The following OCIAD1 variants were observed in gnomAD, a reference collection of about 807,000 sequenced individuals.
OCIAD1 encodes OCIA domain containing 1.
In OCIAD1, 29 loss-of-function variants were observed where a neutral mutation model predicts 38.9. The observed-to-expected ratio is 0.74, with a 90% CI of 0.55 to 1.02. OCIAD1 has a LOEUF of 1.02. OCIAD1 is among the 50% of genes least tolerant of loss of function. The pLI, the probability that OCIAD1 is intolerant of heterozygous loss-of-function variation, is 0.00. For missense variants in OCIAD1, 288 were observed against 289.6 expected, an observed-to-expected ratio of 0.99 and a Z score of 0.04; for synonymous variants, 110 against 92.0, an observed-to-expected ratio of 1.20 and a Z score of -1.12.
chr4:48,831,962 T>G (rs1214658672), intron 1 of OCIAD1, among the ~76,000 whole-genome samples: 3 of 152,182 alleles, frequency 2.0e-5, no homozygotes, highest in Non-Finnish European at 4.4e-5. Context: ...TTGGTCTGAG[T>G]CCCAATATAT....
chr4:48,859,436 A>G (rs967646433), intron 8 of OCIAD1, among the ~76,000 whole-genome samples: 22 of 152,216 alleles, frequency 1.4e-4, no homozygotes, highest in Non-Finnish European at 2.5e-4. Context: ...AATCTTTTCT[A>G]TTATTGTCTG....
chr4:48,843,654 A>G (rs1211868642), intron 4 of OCIAD1, among the ~76,000 whole-genome samples: 3 of 152,192 alleles, frequency 2.0e-5, no homozygotes, highest in African/African-American at 7.2e-5. Context: ...GTATGCACTT[A>G]TATGTCCTTA....
intron 4 of OCIAD1, among the ~76,000 whole-genome samples, chr4:48,843,660 C>A (rs1224248129): frequency 6.6e-6 from 1 of 152,022 alleles, no homozygotes; most frequent in African/African-American, 2.4e-5. Flanking sequence ...ACTTATATGT[C>A]CTTAAGACTA....
In OCIAD1 at chr4:48,857,309, C is replaced by A. The variant is rs754527692; in HGVS notation, c.644C>A (p.Thr215Lys). 1 of 1,598,568 alleles carries A rather than the reference C, an allele frequency of 6.3e-7. No individual in the cohort carries two copies. The highest frequency in any genetic ancestry group is 2.3e-5 in the East Asian group (1 of 44,176). ...AGAGAGTCATATGAAGTATCTTTAA[C>A]ACAAAAGACTGACCCCTCAGTCAGG... ...KNRESYEVSL[T>K]QKTDPSVRPM... The change falls in exon 8 of 9, where the codon ACA (threonine) becomes AAA (lysine). Residue 215 changes from threonine (T) to lysine (K), a missense_variant. Transcript: ENST00000264312.
chr4:48,842,228 A>G (rs1048873902), intron 3 of OCIAD1, among the ~76,000 whole-genome samples: 7 of 152,244 alleles, frequency 4.6e-5, no homozygotes, highest in African/African-American at 1.7e-4. Context: ...AGCATGATGC[A>G]CAGAATTTAG....
At chr4:48,846,460 G>T (rs1560430528) in intron 4 of OCIAD1, among the ~76,000 whole-genome samples, 1 of 152,130 alleles carries the variant, frequency 6.6e-6, no homozygotes, top group Non-Finnish European at 1.5e-5. Flanking sequence ...TTAAAGTGTT[G>T]GTAGTTGGCC....
At chr4:48,814,637 A>G (rs767198000) in intron 1 of OCIAD1, among the ~76,000 whole-genome samples, 9 of 152,164 alleles carry the variant, frequency 5.9e-5, no homozygotes, top group Non-Finnish European at 1.2e-4. Context: ...TATTTGCAAT[A>G]GTTTACCGGG....
chr4:48,820,691 A>G (rs1196524495), intron 1 of OCIAD1, among the ~76,000 whole-genome samples: 1 of 152,210 alleles, frequency 6.6e-6, no homozygotes, highest in African/African-American at 2.4e-5. Flanking sequence ...AATCAAATAG[A>G]CACAATAAAA....
In OCIAD1 at chr4:48,843,694, G is replaced by A. The variant is rs145130829; in HGVS notation, c.193+1005G>A. On this transcript the variant is annotated intron_variant, in intron 4 of 8. Coordinates refer to ENST00000264312, the MANE Select transcript of OCIAD1 (RefSeq NM_017830.4). ...TAAGCTGTTTTATAGACTGAGATTG[G>A]TTCTGTATTGTGAAACAACAACAAC... Among the ~76,000 whole-genome samples, 353 of 152,102 alleles carry A rather than the reference G, an allele frequency of 2.3e-3. 1 individual carries two copies. Among genetic ancestry groups the A allele is most frequent in the African/African-American group, 8.2e-3 (340 of 41,488 alleles).
At chr4:48,842,263 T>C (rs1477587207) in intron 3 of OCIAD1, among the ~76,000 whole-genome samples, 3 of 152,264 alleles carry the variant, frequency 2.0e-5, no homozygotes, top group Non-Finnish European at 2.9e-5. Context: ...TGGTTCTTAC[T>C]TGTAACTTGT....
chr4:48,805,910 G>T (rs1777019550), intron 1 of OCIAD1, among the ~76,000 whole-genome samples: 1 of 152,104 alleles, frequency 6.6e-6, no homozygotes, highest in Admixed American at 6.6e-5. Context: ...TAAAATTAAA[G>T]CCATCTCAAT....
chr4:48,827,288 C>A (rs1331629312), upstream of OCIAD1, among the ~76,000 whole-genome samples: 1 of 151,702 alleles, frequency 6.6e-6, no homozygotes, highest in Non-Finnish European at 1.5e-5. Flanking sequence ...ATAAATTATC[C>A]CTTTATTATT....
In OCIAD1 at chr4:48,848,408, C is replaced by G. The variant is rs745831473; in HGVS notation, c.203C>G (p.Ser68Ter). ...TQGLISKGIL[S>*]SHPKYGSIPK... ...TAACTCTTTTCTTTAGGAATACTTTCAAGTCATCCCAAATATGGTTCCATC... is the reference window on the plus strand; with the variant it reads ...TAACTCTTTTCTTTAGGAATACTTTGAAGTCATCCCAAATATGGTTCCATC... Residue 68 changes from serine (S) to a stop codon, truncating the protein, a stop_gained, in exon 5 of 9, where the codon TCA becomes TGA. Coordinates refer to ENST00000264312, the MANE Select transcript of OCIAD1 (RefSeq NM_017830.4). LOFTEE classifies it high-confidence loss of function. The G allele has an allele frequency of 3.4e-6, 5 of 1,488,798 alleles. No individual in the cohort carries two copies. The highest frequency in any genetic ancestry group is 2.3e-5 in the East Asian group (1 of 43,722). 92.2% of individuals were successfully genotyped at this position (1,488,798 alleles called of 1,614,324 possible).
intron 7 of OCIAD1, chr4:48,856,143 T>C (rs1201741930): frequency 6.6e-6 from 1 of 152,158 alleles, no homozygotes; most frequent in African/African-American, 2.4e-5. Flanking sequence ...ATGTTCACTA[T>C]TTGATCCTGT....
intron 1 of OCIAD1, among the ~76,000 whole-genome samples, chr4:48,806,894 C>T (rs1579031350): frequency 1.3e-5 from 2 of 152,072 alleles, no homozygotes; most frequent in African/African-American, 4.8e-5. Context: ...GTGAGCAACC[C>T]AGTCCAGCTT....
chr4:48,814,022 T>A (rs1777117393), intron 1 of OCIAD1, among the ~76,000 whole-genome samples: 1 of 152,198 alleles, frequency 6.6e-6, no homozygotes, highest in Admixed American at 6.5e-5. Context: ...CTGAGATTGA[T>A]GTGTAGGACC....
intron 4 of OCIAD1, 26 bp from the exon 5 acceptor site, chr4:48,848,373 C>G (rs202107664): frequency 8.1e-7 from 1 of 1,234,788 alleles, no homozygotes; most frequent in South Asian, 1.3e-5. Context: ...CAGTGTTACT[C>G]AGAAATACTT....
At chr4:48,841,007 CTT>C (rs1455661165) in intron 3 of OCIAD1, among the ~76,000 whole-genome samples, 1 of 152,046 alleles carries the variant, frequency 6.6e-6, no homozygotes, top group Non-Finnish European at 1.5e-5. Context: ...TAGAGTGAGA[CTT>C]TGTCTAAAAA....
chr4:48,853,266 A>G (rs1349250965), intron 7 of OCIAD1, among the ~76,000 whole-genome samples: 2 of 152,310 alleles, frequency 1.3e-5, no homozygotes, highest in South Asian at 2.1e-4. Context: ...CACATAAGTT[A>G]TATAAACGTA....
Sources: gnomAD v4.1 joint callset for allele counts (sites outside exome capture counted in the v4.1 genomes callset) on GRCh38, gnomAD v4.1.1 for gene constraint, MANE v1.5 for transcripts, NCBI Gene and HGNC (gene_info 2026-07-23, HGNC 2026-07-21) for gene names.